Variants in SWI5 observed in about 807,000 individuals in gnomAD.
SWI5 encodes the protein SWI5 homologous recombination repair protein.
A neutral mutation model predicts 17.0 loss-of-function variants in SWI5; 12 were observed. The ratio of observed to expected loss-of-function variants is 0.71; its 90% CI spans 0.45 to 1.14. The LOEUF is 1.14. SWI5 is among the 50% of genes most tolerant of loss of function. The probability of loss-of-function intolerance (pLI) is 0.00; values close to 1 mark genes in which losing one functional copy is unlikely to be tolerated. For missense variants in SWI5, 158 were observed against 162.2 expected, an observed-to-expected ratio of 0.97 and a Z score of 0.14; for synonymous variants, 61 against 64.0, an observed-to-expected ratio of 0.95 and a Z score of 0.22.
At chr9:128,281,039 T>C (rs1175725288) in intron 2 of SWI5, among the ~76,000 whole-genome samples, 32 of 135,216 alleles carry the variant, frequency 2.4e-4, no homozygotes, top group Non-Finnish European at 4.3e-4. Flanking sequence ...TTTTTTTTTT[T>C]TTTTTTTTTT....
At chr9:128,276,069 G>T, upstream of SWI5, 1 of 1,577,878 alleles carries the variant, frequency 6.3e-7, no homozygotes, top group Non-Finnish European at 8.6e-7. Flanking sequence ...CGATACTGGA[G>T]CGCAGAATGG....
In SWI5 at chr9:128,276,648, C is replaced by T. The variant is rs756469260; in HGVS notation, c.63-59C>T. 13 of 1,613,894 alleles carry T rather than the reference C, an allele frequency of 8.1e-6. No homozygotes were observed. In the South Asian group the frequency reaches 1.3e-4, roughly 16 times the overall value. On this transcript the variant is annotated intron_variant, in intron 1 of 4. Coordinates refer to ENST00000418976, the Ensembl canonical transcript of SWI5. ...CTCCTCCTCCCGCATCCCCACAGTA[C>T]CCCGTCCTCACAGCGGGCTGTGGGT...
At chr9:128,275,964 GT>G (rs759682914), upstream of SWI5, 2 of 1,596,208 alleles carry the variant, frequency 1.3e-6, no homozygotes, top group Non-Finnish European at 1.7e-6. Context: ...GGGAGGCGGG[GT>G]TGGGGCCACA....
chr9:128,275,860 T>A, upstream of SWI5: 1 of 1,167,306 alleles, frequency 8.6e-7, no homozygotes, highest in Non-Finnish European at 1.2e-6. Context: ...GGGCTGGGGC[T>A]GGGTCGGGGG....
Position 128,285,124 on chromosome 9 carries a change from G to A in SWI5, c.233+493G>A, listed in dbSNP as rs1260053297. The stretch of plus-strand genomic sequence containing the variant: ...AGAGGTTGCAGTGAGGCGAGATCGC[G>A]CCACTGCACTCCAGCCTGGCTACAG... On this transcript the variant is annotated intron_variant, in intron 3 of 4. Transcript: ENST00000418976. The surrounding 1 kb of genome is among the most constrained non-coding windows in gnomAD (Gnocchi z 4.8). Among the ~76,000 whole-genome samples the A allele has an allele frequency of 2.6e-5, 4 of 152,092 alleles. No individual in the cohort carries two copies. In the South Asian group the frequency reaches 6.2e-4, roughly 24 times the overall value.
chr9:128,279,540 A>G (rs888903730), intron 2 of SWI5, among the ~76,000 whole-genome samples: 4 of 152,244 alleles, frequency 2.6e-5, no homozygotes, highest in African/African-American at 9.6e-5. Context: ...AGCATACGTC[A>G]GCATTTTCTT....
chr9:128,284,956 T>A (rs1297094730), intron 3 of SWI5, among the ~76,000 whole-genome samples: 1 of 84,970 alleles, frequency 1.2e-5, no homozygotes, highest in African/African-American at 5.1e-5. Context: ...AATCTGTCTT[T>A]AAAAAAAAAA....
At chr9:128,276,023 A>C (rs1342824510), upstream of SWI5, 3 of 1,591,396 alleles carry the variant, frequency 1.9e-6, no homozygotes, top group Non-Finnish European at 2.6e-6. Flanking sequence ...GCCACCGCGC[A>C]GCTGTGCGAC....
chr9:128,285,885 C>G lies in SWI5; in HGVS notation c.234-54C>G. The stretch of plus-strand genomic sequence containing the variant: ...TATTACTATCTGAGCCTGGGGCCAT[C>G]ATCTGCTTTCTTAACTGGGCTGTCT... On this transcript the variant is annotated intron_variant, in intron 3 of 4. Transcript: ENST00000418976. The surrounding 1 kb of genome is among the most constrained non-coding windows in gnomAD (Gnocchi z 4.8). 8.0e-7 allele frequency: 1 copy of G among 1,252,322 alleles called. No homozygotes were observed. Among genetic ancestry groups the G allele is most frequent in the Non-Finnish European group, 1.2e-6 (1 of 852,664 alleles). 77.6% of individuals were successfully genotyped at this position (1,252,322 alleles called of 1,614,324 possible).
chr9:128,276,123 AT>A (rs751822611), upstream of SWI5: 2 of 1,566,076 alleles, frequency 1.3e-6, no homozygotes, highest in East Asian at 2.3e-5. Flanking sequence ...AATGAGAAAT[AT>A]GAAGCGGAAG....
upstream of SWI5, chr9:128,275,946 G>A (rs1831332580): frequency 6.3e-7 from 1 of 1,595,880 alleles, no homozygotes; most frequent in African/African-American, 1.4e-5. Context: ...GACATCGCGG[G>A]GCGGGGAGGG....
intron 2 of SWI5, among the ~76,000 whole-genome samples, chr9:128,279,340 A>G (rs1324217616): frequency 2.0e-5 from 3 of 152,204 alleles, no homozygotes; most frequent in Non-Finnish European, 1.5e-5. Context: ...CCAGGGGACC[A>G]CTACCACCAA....
intron 2 of SWI5, among the ~76,000 whole-genome samples, chr9:128,283,040 A>G (rs941201448): frequency 6.6e-6 from 1 of 151,764 alleles, no homozygotes; most frequent in Non-Finnish European, 1.5e-5. Context: ...TTAGGCCGGG[A>G]GCAGTGGCTC....
intron 4 of SWI5, 45 bp from the exon 5 acceptor site, chr9:128,288,607 C>T: frequency 6.2e-7 from 1 of 1,608,632 alleles, no homozygotes; most frequent in African/African-American, 1.3e-5. Flanking sequence ...GTACTCCCTC[C>T]CACCTCTCCC....
chr9:128,276,033 C>T (rs913392512), upstream of SWI5: 1 of 1,590,768 alleles, frequency 6.3e-7, no homozygotes. Flanking sequence ...AGCTGTGCGA[C>T]GGAGCCAGAG....
chr9:128,276,131 GA>G (rs781057976), upstream of SWI5: 9 of 1,565,378 alleles, frequency 5.7e-6, no homozygotes, highest in Non-Finnish European at 7.8e-6. Flanking sequence ...ATATGAAGCG[GA>G]AGGGGGCGTG....
chr9:128,280,212 C>G (rs570587912), intron 2 of SWI5, among the ~76,000 whole-genome samples: 2 of 152,074 alleles, frequency 1.3e-5, no homozygotes, highest in East Asian at 3.9e-4. Context: ...TCTCCTCTTG[C>G]CATTCTCTTT....
chr9:128,288,894 G>C lies in SWI5; in HGVS notation c.*178G>C, dbSNP rs996716789. Reference sequence around the variant, plus strand: ...TAGAGAAGAGGCGGGCAGGGAGGAAGGGGCGTTCCCAGCTCCAAGGTTCCT... The same window carrying C: ...TAGAGAAGAGGCGGGCAGGGAGGAACGGGCGTTCCCAGCTCCAAGGTTCCT... On this transcript the variant is annotated 3_prime_UTR_variant, in exon 5 of 5. Coordinates refer to ENST00000418976, the Ensembl canonical transcript of SWI5. The C allele has an allele frequency of 1.6e-5, 10 of 640,762 alleles. No homozygotes were observed. In the African/African-American group the frequency reaches 1.8e-4, roughly 12 times the overall value. 39.7% of individuals were successfully genotyped at this position (640,762 alleles called of 1,614,324 possible). A position where few individuals can be genotyped will look rare whatever the true frequency, so the allele number is the denominator to read the frequency against.
chr9:128,288,255 G>C (rs1447669994), intron 4 of SWI5, among the ~76,000 whole-genome samples: 4 of 152,184 alleles, frequency 2.6e-5, no homozygotes, highest in African/African-American at 7.2e-5. Context: ...CCATACTGAG[G>C]AGTCTGGAAT....
Sources: allele counts gnomAD v4.1 joint callset (sites outside exome capture counted in the v4.1 genomes callset), GRCh38; gene constraint gnomAD v4.1.1; non-coding constraint Gnocchi (gnomAD v3.1); transcripts MANE v1.5; gene names NCBI Gene and HGNC (gene_info 2026-07-23, HGNC 2026-07-21).